The following CFAP20DC variants were observed in gnomAD, a reference collection of about 807,000 sequenced individuals.
The protein encoded by CFAP20DC is CFAP20 domain containing, also known as protein CFAP20DC.
A neutral mutation model predicts 101.7 loss-of-function variants in CFAP20DC; 84 were observed. That is an observed-to-expected ratio of 0.83 (90% CI 0.69 to 0.99). CFAP20DC has a LOEUF of 0.99. Among genes scored for constraint, CFAP20DC ranks in the 50% least tolerant of loss-of-function variants. The probability of loss-of-function intolerance (pLI) is 0.00; values close to 1 mark genes in which losing one functional copy is unlikely to be tolerated. For missense variants in CFAP20DC, 1,007 were observed against 970.3 expected, an observed-to-expected ratio of 1.04 and a Z score of -0.50; for synonymous variants, 359 against 351.2, an observed-to-expected ratio of 1.02 and a Z score of -0.25.
intron 6 of CFAP20DC, among the ~76,000 whole-genome samples, chr3:58,885,833 C>T (rs1051922585): frequency 6.6e-6 from 1 of 151,546 alleles, no homozygotes; most frequent in Non-Finnish European, 1.5e-5. Flanking sequence ...GTTTGTATAC[C>T]ACATTTTCTT....
intron 14 of CFAP20DC, among the ~76,000 whole-genome samples, chr3:58,812,876 A>G (rs1474043830): frequency 6.6e-6 from 1 of 151,756 alleles, no homozygotes; most frequent in Non-Finnish European, 1.5e-5. Context: ...ATGTATTGAA[A>G]TTTTCCTCTT....
At chr3:58,742,610 G>C (rs1487146054) in intron 16 of CFAP20DC, 38 bp from the exon 17 acceptor site, 1 of 1,506,694 alleles carries the variant, frequency 6.6e-7, no homozygotes, top group East Asian at 2.4e-5. Context: ...TTAGCTGTTG[G>C]CTTGGCCCGG....
intron 4 of CFAP20DC, among the ~76,000 whole-genome samples, chr3:58,974,697 C>T (rs1340851825): frequency 6.6e-6 from 1 of 152,100 alleles, no homozygotes; most frequent in East Asian, 1.9e-4. Context: ...GCCTCGAATT[C>T]TGGGTTAAAT....
chr3:58,817,992 T>C (rs1395122485), intron 14 of CFAP20DC, among the ~76,000 whole-genome samples: 3 of 150,668 alleles, frequency 2.0e-5, no homozygotes, highest in Non-Finnish European at 4.4e-5. Context: ...TATTCAACAT[T>C]CTTAAAGAAA....
rs1001647531 is a variant in CFAP20DC, at chr3:58,831,737, G to T, written c.2124C>A (p.Ser708Arg). The change falls in exon 14 of 17, where the codon AGC (serine) becomes AGA (arginine). Residue 708 changes from serine (S) to arginine (R), a missense_variant. By Grantham distance (110) the Ser-to-Arg change is moderately radical. Transcript: ENST00000482387. ...SASQVDNCNVSISTSSDDTTT... is the reference protein window; with the variant it reads ...SASQVDNCNVRISTSSDDTTT... ...TTGTGTCGTCACTGCTGGTACTTATGCTGACATTACAGTTGTCCACCTGGG... is the reference window on the plus strand; with the variant it reads ...TTGTGTCGTCACTGCTGGTACTTATTCTGACATTACAGTTGTCCACCTGGG... 1.9e-6 allele frequency: 3 copies of T among 1,614,084 alleles called. No individual in the cohort carries two copies. The East Asian group carries it at 6.7e-5, about 36-fold the overall frequency.
chr3:58,793,585 A>C (rs2073020946), intron 15 of CFAP20DC, among the ~76,000 whole-genome samples: 1 of 152,176 alleles, frequency 6.6e-6, no homozygotes. Flanking sequence ...ACCAAGTTAA[A>C]ACACTGATCA....
At chr3:59,013,013 C>T (rs1161956282) in intron 4 of CFAP20DC, among the ~76,000 whole-genome samples, 4 of 152,086 alleles carry the variant, frequency 2.6e-5, no homozygotes, top group Non-Finnish European at 5.9e-5. Flanking sequence ...AAGACTTAGA[C>T]ATTAAATCAT....
In CFAP20DC at chr3:58,869,214, G is replaced by A. The variant is rs1302951434; in HGVS notation, c.1015+114C>T. 53 of 758,778 alleles carry A rather than the reference G, an allele frequency of 7.0e-5. No homozygotes were observed. Among genetic ancestry groups the A allele is most frequent in the Non-Finnish European group, 8.0e-6 (4 of 498,110 alleles). 47.0% of individuals were successfully genotyped at this position (758,778 alleles called of 1,614,324 possible). ...TCAACCACCCTTTTCATTATTAAAT[G>A]ACAATTCTCTAGACTTAAGATCTAG... On this transcript the variant is annotated intron_variant, in intron 9 of 16. Coordinates refer to ENST00000482387, the MANE Select transcript of CFAP20DC (RefSeq NM_001394063.1). This position sits in a 1 kb window ranked among gnomAD's most constrained non-coding sequence, Gnocchi z 4.3.
At position 58,869,666 on chromosome 3, in the gene CFAP20DC, A is replaced by C. The variant is rs961077217; in HGVS notation, c.853-176T>G. 6.6e-6 allele frequency among the ~76,000 whole-genome samples: 1 copy of C among 152,218 alleles called. No individual in the cohort carries two copies. The highest frequency in any genetic ancestry group is 2.4e-5 in the African/African-American group (1 of 41,462). On this transcript the variant is annotated intron_variant, in intron 8 of 16. Coordinates refer to ENST00000482387, the MANE Select transcript of CFAP20DC (RefSeq NM_001394063.1). This position sits in a 1 kb window ranked among gnomAD's most constrained non-coding sequence, Gnocchi z 4.3. ...TATAGGAAATTAGAAATGGAAGGAG[A>C]AAAATAACGAGATAAAATAGAAGAC...
chr3:59,020,798 A>T (rs1328492888), intron 4 of CFAP20DC, among the ~76,000 whole-genome samples: 1 of 152,090 alleles, frequency 6.6e-6, no homozygotes, highest in African/African-American at 2.4e-5. Flanking sequence ...AGTATGTCCC[A>T]AATAGGGGCT....
chr3:58,943,239 C>T (rs1050265259), intron 4 of CFAP20DC, among the ~76,000 whole-genome samples: 1 of 152,192 alleles, frequency 6.6e-6, no homozygotes, highest in African/African-American at 2.4e-5. Flanking sequence ...GGGACAGACG[C>T]CTCAAGTGGG....
intron 15 of CFAP20DC, among the ~76,000 whole-genome samples, chr3:58,784,416 C>T (rs564817918): frequency 6.6e-6 from 1 of 152,078 alleles, no homozygotes; most frequent in South Asian, 2.1e-4. Flanking sequence ...CTATTGAGTT[C>T]TATGCTCAGT....
chr3:58,855,834 G>T (rs1161571397), intron 12 of CFAP20DC, among the ~76,000 whole-genome samples: 1 of 120,558 alleles, frequency 8.3e-6, no homozygotes, highest in Non-Finnish European at 1.6e-5. Flanking sequence ...GGGGACTATT[G>T]TGGGGTGGGG....
At chr3:58,969,304 C>T (rs1296917392) in intron 4 of CFAP20DC, among the ~76,000 whole-genome samples, 1 of 152,110 alleles carries the variant, frequency 6.6e-6, no homozygotes, top group African/African-American at 2.4e-5. Flanking sequence ...TTCGCACCCA[C>T]TGGGATGGGT....
chr3:58,822,832 C>T (rs192458262), intron 14 of CFAP20DC, among the ~76,000 whole-genome samples: 10 of 152,220 alleles, frequency 6.6e-5, no homozygotes, highest in Non-Finnish European at 1.3e-4. Flanking sequence ...CTCCTGTTCT[C>T]CCCTGCAGCT....
chr3:58,969,083 C>A (rs768867263), intron 4 of CFAP20DC, among the ~76,000 whole-genome samples: 4 of 152,078 alleles, frequency 2.6e-5, no homozygotes, highest in Non-Finnish European at 4.4e-5. Flanking sequence ...GTTTTTGTAC[C>A]AGTACCATGC....
intron 6 of CFAP20DC, among the ~76,000 whole-genome samples, chr3:58,904,577 TGAGGA>T (rs2083431984): frequency 6.6e-6 from 1 of 152,068 alleles, no homozygotes; most frequent in Middle Eastern, 3.2e-3. Context: ...AAAATAGAGG[TGAGGA>T]AACACCCAAC....
chr3:59,011,991 G>C (rs1045805166), intron 4 of CFAP20DC, among the ~76,000 whole-genome samples: 3 of 152,244 alleles, frequency 2.0e-5, no homozygotes, highest in Admixed American at 1.3e-4. Context: ...CAACAATCTT[G>C]AGTATTTACT....
At chr3:58,860,303 C>T (rs2079145711) in intron 12 of CFAP20DC, among the ~76,000 whole-genome samples, 1 of 151,194 alleles carries the variant, frequency 6.6e-6, no homozygotes, top group South Asian at 2.1e-4. Context: ...AATAGCTTAA[C>T]TACTGACTGC....
Sources: allele counts gnomAD v4.1 joint callset (sites outside exome capture counted in the v4.1 genomes callset), GRCh38; gene constraint gnomAD v4.1.1; non-coding constraint Gnocchi (gnomAD v3.1); transcripts MANE v1.5; gene names NCBI Gene and HGNC (gene_info 2026-07-23, HGNC 2026-07-21).